NRXN1: variants seen among roughly 807,000 people sequenced by gnomAD.
The protein encoded by NRXN1 is neurexin 1.
In NRXN1, 39 loss-of-function variants were observed where a neutral mutation model predicts 150.9. The observed-to-expected ratio is 0.26, with a 90% confidence interval of 0.20 to 0.34. The LOEUF (loss-of-function observed/expected upper bound fraction) is 0.34. Ranked by LOEUF, NRXN1 falls within the 10% of genes least tolerant of loss-of-function variation. The pLI, the probability that NRXN1 is intolerant of heterozygous loss-of-function variation, is 1.00. For synonymous variants in NRXN1, 924 were observed against 757.0 expected, an observed-to-expected ratio of 1.22 and a Z score of -3.62; for missense variants, 1,815 against 1,949.9, an observed-to-expected ratio of 0.93 and a Z score of 1.30.
At chr2:50,453,846 T>C (rs971846886) in intron 17 of NRXN1, among the ~76,000 whole-genome samples, 3 of 152,160 alleles carry the variant, frequency 2.0e-5, no homozygotes. Flanking sequence ...CTTATGTTAT[T>C]GCTGGAAAAA....
At chr2:50,372,420 C>A (rs943598079) in intron 17 of NRXN1, among the ~76,000 whole-genome samples, 3 of 152,050 alleles carry the variant, frequency 2.0e-5, no homozygotes, top group Admixed American at 6.6e-5. Flanking sequence ...CCATTCAGAC[C>A]CAACTCTAGA....
At chr2:50,543,006 G>A (rs1249475107) in intron 9 of NRXN1, among the ~76,000 whole-genome samples, 1 of 151,976 alleles carries the variant, frequency 6.6e-6, no homozygotes, top group Non-Finnish European at 1.5e-5. Flanking sequence ...ATTTAAACCT[G>A]GTTCATTGAT....
intron 5 of NRXN1, among the ~76,000 whole-genome samples, chr2:50,718,375 G>C (rs975640950): frequency 5.3e-5 from 8 of 152,086 alleles, no homozygotes; most frequent in Admixed American, 2.0e-4. Context: ...GCTGGGAGCT[G>C]GGAAGGGAAG....
intron 2 of NRXN1, among the ~76,000 whole-genome samples, chr2:51,026,149 C>CA (rs1251188577): frequency 2.6e-5 from 4 of 152,158 alleles, no homozygotes; most frequent in African/African-American, 9.7e-5. Flanking sequence ...GCACTGTCAG[C>CA]AAAAATCAAA....
At chr2:50,780,466 C>T (rs1704218898) in intron 5 of NRXN1, among the ~76,000 whole-genome samples, 1 of 151,948 alleles carries the variant, frequency 6.6e-6, no homozygotes, top group East Asian at 1.9e-4. Context: ...ATTTCTTATC[C>T]AGTTTACCTT....
At chr2:50,403,245 G>A (rs937524328) in intron 17 of NRXN1, among the ~76,000 whole-genome samples, 3 of 152,082 alleles carry the variant, frequency 2.0e-5, no homozygotes, top group African/African-American at 7.2e-5. Flanking sequence ...AGGTGATGGG[G>A]TAAAGGAGAT....
intron 19 of NRXN1, among the ~76,000 whole-genome samples, chr2:50,056,605 C>T (rs1323901780): frequency 1.3e-5 from 2 of 151,872 alleles, no homozygotes; most frequent in Admixed American, 6.6e-5. Context: ...TACAAAATTC[C>T]AACCCTGTCT....
At chr2:50,612,442 T>C (rs958257056) in intron 8 of NRXN1, among the ~76,000 whole-genome samples, 5 of 152,218 alleles carry the variant, frequency 3.3e-5, no homozygotes, top group Non-Finnish European at 5.9e-5. Context: ...TCAAATTATT[T>C]CACACAGTTT....
chr2:50,683,261 T>C (rs905432187), intron 5 of NRXN1, among the ~76,000 whole-genome samples: 1 of 151,992 alleles, frequency 6.6e-6, no homozygotes, highest in Non-Finnish European at 1.5e-5. Context: ...TGCTCTCGCA[T>C]GGAAGTGGCT....
In NRXN1 at chr2:50,560,459, T is replaced by G. The variant is rs2160445; in HGVS notation, c.1321-7434A>C. Among the ~76,000 whole-genome samples the G allele has an allele frequency of 2.1e-3, 322 of 150,178 alleles. 4 individuals carry two copies. The highest frequency in any genetic ancestry group is 4.5e-3 in the African/African-American group (180 of 40,336). On this transcript the variant is annotated intron_variant, in intron 8 of 22. Coordinates refer to ENST00000401669, the MANE Select transcript of NRXN1 (RefSeq NM_001330078.2). ...TTATTTATTTATTTATTTATTTACT[T>G]AGAAGCCGTCTCACTCCGTCGCCCA... is the stretch of plus-strand genomic sequence containing the variant.
chr2:50,377,963 A>T (rs1453165655), intron 17 of NRXN1, among the ~76,000 whole-genome samples: 1 of 152,174 alleles, frequency 6.6e-6, no homozygotes, highest in African/African-American at 2.4e-5. Flanking sequence ...TTTTTAAAAG[A>T]ACTGTCCAAG....
chr2:50,651,647 ACT>A (rs1271348538), intron 5 of NRXN1, among the ~76,000 whole-genome samples: 1 of 151,868 alleles, frequency 6.6e-6, no homozygotes, highest in Non-Finnish European at 1.5e-5. Context: ...ACACAGTAAA[ACT>A]CTATCTCAAA....
rs572061289 is a variant in NRXN1, at chr2:50,288,083, C to A, written c.3365-51113G>T. ...GGCTTTATCCAGTGGAAAAAAAACT[C>A]AAATAAATTTTTCTCTTGGATGTTC... On this transcript the variant is annotated intron_variant, in intron 17 of 22. Transcript: ENST00000401669. Among the ~76,000 whole-genome samples, 126 of 152,184 alleles carry A rather than the reference C, an allele frequency of 8.3e-4. 2 individuals are homozygous for A. The highest frequency in any genetic ancestry group is 2.9e-3 in the South Asian group (14 of 4,824).
intron 5 of NRXN1, among the ~76,000 whole-genome samples, chr2:50,772,397 A>G (rs958043224): frequency 1.3e-5 from 2 of 151,942 alleles, no homozygotes; most frequent in African/African-American, 4.8e-5. Context: ...TTAAAATAAT[A>G]AAAGATGGTC....
At chr2:50,268,352 C>G (rs1310141037) in intron 17 of NRXN1, among the ~76,000 whole-genome samples, 1 of 152,146 alleles carries the variant, frequency 6.6e-6, no homozygotes, top group East Asian at 1.9e-4. Context: ...TCCTTAAGTA[C>G]ACAAATATAT....
At chr2:50,807,121 G>C (rs1475293439) in intron 5 of NRXN1, among the ~76,000 whole-genome samples, 1 of 151,990 alleles carries the variant, frequency 6.6e-6, no homozygotes, top group Non-Finnish European at 1.5e-5. Context: ...AAACCTCTTA[G>C]AGTCTCTGAA....
chr2:50,164,399 A>G lies in NRXN1; in HGVS notation c.3546+72390T>C, dbSNP rs548987142. ...TGAGATGGAATTTGGTGGTAATTAG[A>G]AGGCAGAGAAGACCATAAGAAATAT... On this transcript the variant is annotated intron_variant, in intron 18 of 22. Coordinates refer to ENST00000401669, the MANE Select transcript of NRXN1 (RefSeq NM_001330078.2). 9.2e-5 allele frequency among the ~76,000 whole-genome samples: 14 copies of G among 152,320 alleles called. No homozygotes were observed. The East Asian group carries it at 2.3e-3, about 25-fold the overall frequency.
intron 5 of NRXN1, among the ~76,000 whole-genome samples, chr2:50,734,226 G>A (rs1028621782): frequency 7.2e-5 from 11 of 152,096 alleles, no homozygotes; most frequent in East Asian, 1.9e-4. Flanking sequence ...CAGAAACCCC[G>A]TCCTAACCTT....
At chr2:50,159,506 T>G (rs1303589334) in intron 18 of NRXN1, among the ~76,000 whole-genome samples, 1 of 152,154 alleles carries the variant, frequency 6.6e-6, no homozygotes, top group East Asian at 1.9e-4. Context: ...CAATACAAAT[T>G]GATTGGGTGC....
Sources: gnomAD v4.1 joint callset for allele counts (sites outside exome capture counted in the v4.1 genomes callset) on GRCh38, gnomAD v4.1.1 for gene constraint, MANE v1.5 for transcripts, NCBI Gene and HGNC (gene_info 2026-07-23, HGNC 2026-07-21) for gene names.